The following KCNMB2 variants were observed in gnomAD, a reference collection of about 807,000 sequenced individuals.
KCNMB2 encodes calcium-activated potassium channel subunit beta-2.
Under a neutral mutation model 24.5 loss-of-function variants are expected in KCNMB2, and 9 were observed. The ratio of observed to expected loss-of-function variants is 0.37; its 90% CI spans 0.22 to 0.64. KCNMB2 has a LOEUF of 0.64. KCNMB2 is among the 30% of genes least tolerant of loss of function. The probability of loss-of-function intolerance (pLI) is 0.63; values close to 1 mark genes in which losing one functional copy is unlikely to be tolerated. For missense variants in KCNMB2, 226 were observed against 284.3 expected (o/e 0.79, Z 1.47); for synonymous variants, 109 against 104.4 (o/e 1.04, Z -0.27).
At chr3:178,747,395 TG>T (rs1577145788) in intron 1 of KCNMB2, among the ~76,000 whole-genome samples, 2 of 152,172 alleles carry the variant, frequency 1.3e-5, no homozygotes, top group East Asian at 3.8e-4. Flanking sequence ...GAGATTTGGG[TG>T]GGGACACAGC....
chr3:178,602,016 T>A (rs1718098783), intron 1 of KCNMB2, among the ~76,000 whole-genome samples: 1 of 152,208 alleles, frequency 6.6e-6, no homozygotes, highest in Non-Finnish European at 1.5e-5. Context: ...GGCTTCTGCA[T>A]GATTTTTCCT....
chr3:178,600,314 A>G (rs910692939), intron 1 of KCNMB2, among the ~76,000 whole-genome samples: 5 of 152,190 alleles, frequency 3.3e-5, no homozygotes, highest in Admixed American at 6.6e-5. Context: ...TCATTTGTCC[A>G]TCAACAAGCA....
intron 1 of KCNMB2, among the ~76,000 whole-genome samples, chr3:178,605,905 G>A (rs778670923): frequency 1.3e-5 from 2 of 152,102 alleles, no homozygotes; most frequent in Non-Finnish European, 2.9e-5. Context: ...TAGGCAAAAA[G>A]GATCTAAACT....
rs550791214 is a variant in KCNMB2, at chr3:178,767,942, T to C, written c.-67-39401T>C. ...AAGGACTTTTGTCAAGACACTTTCT[T>C]CTTTGATCTGATCACTTCCATCACC... is the stretch of plus-strand genomic sequence containing the variant. On this transcript the variant is annotated intron_variant, in intron 1 of 4. Coordinates refer to ENST00000452583, the MANE Select transcript of KCNMB2 (RefSeq NM_181361.3). Among the ~76,000 whole-genome samples the C allele has an allele frequency of 6.6e-5, 10 of 152,274 alleles. No individual in the cohort carries two copies. The South Asian group carries it at 2.1e-3, about 32-fold the overall frequency.
chr3:178,570,701 C>T (rs1467944395), intron 1 of KCNMB2, among the ~76,000 whole-genome samples: 1 of 151,964 alleles, frequency 6.6e-6, no homozygotes, highest in Non-Finnish European at 1.5e-5. Flanking sequence ...GAGCAGAAGG[C>T]ACCAGCTAAA....
At chr3:178,754,899 G>A (rs1041376235) in intron 1 of KCNMB2, among the ~76,000 whole-genome samples, 2 of 152,192 alleles carry the variant, frequency 1.3e-5, no homozygotes, top group Non-Finnish European at 2.9e-5. Flanking sequence ...GCTATGAACA[G>A]ACTAAAGTTC....
intron 1 of KCNMB2, among the ~76,000 whole-genome samples, chr3:178,757,795 T>TATA (rs1724191602): frequency 2.2e-5 from 1 of 46,224 alleles, no homozygotes; most frequent in Non-Finnish European, 4.3e-5. Context: ...TACATATATC[T>TATA]TATATCCATC....
chr3:178,576,244 C>T (rs983901858), intron 1 of KCNMB2, among the ~76,000 whole-genome samples: 1 of 151,964 alleles, frequency 6.6e-6, no homozygotes, highest in Admixed American at 6.6e-5. Context: ...GCACAAGAGG[C>T]TGGGGAACTC....
At chr3:178,563,827 C>A (rs1445963392) in intron 1 of KCNMB2, among the ~76,000 whole-genome samples, 1 of 152,158 alleles carries the variant, frequency 6.6e-6, no homozygotes, top group East Asian at 1.9e-4. Context: ...TCTGCAATCT[C>A]TCAGAGCCAC....
rs373310652 is a variant in KCNMB2 at position 178,823,120 on chromosome 3, T to C, written c.57-2468T>C. On this transcript the variant is annotated intron_variant, in intron 2 of 4. Transcript: ENST00000452583. ...ACTGGCTTTAGCTGCTAACGGACAC[T>C]GATTTTTTAAAATTTGAGTTCCTAA... Among the ~76,000 whole-genome samples, 7 of 152,388 alleles carry C rather than the reference T, an allele frequency of 4.6e-5. No homozygotes were observed. In the South Asian group the frequency reaches 1.4e-3, roughly 32 times the overall value.
At chr3:178,698,282 C>T (rs940216191) in intron 1 of KCNMB2, among the ~76,000 whole-genome samples, 13 of 152,286 alleles carry the variant, frequency 8.5e-5, no homozygotes, top group South Asian at 2.1e-4. Context: ...CATATCTTTA[C>T]ATAATCCCAT....
chr3:178,771,081 A>C (rs960661532), intron 1 of KCNMB2, among the ~76,000 whole-genome samples: 1 of 152,222 alleles, frequency 6.6e-6, no homozygotes, highest in Admixed American at 6.5e-5. Context: ...GGTTTACCCG[A>C]TAACACCAAA....
chr3:178,632,443 GA>G (rs1387276848), intron 1 of KCNMB2, among the ~76,000 whole-genome samples: 2 of 152,174 alleles, frequency 1.3e-5, no homozygotes, highest in Admixed American at 6.5e-5. Context: ...AATCGTGGCA[GA>G]GGGGAACCAA....
chr3:178,789,066 T>C (rs1003099124), intron 1 of KCNMB2, among the ~76,000 whole-genome samples: 3 of 152,224 alleles, frequency 2.0e-5, no homozygotes, highest in Non-Finnish European at 4.4e-5. Context: ...GTCTGCAGTT[T>C]ACCATTGCTC....
intron 1 of KCNMB2, among the ~76,000 whole-genome samples, chr3:178,771,643 A>G (rs947108918): frequency 6.6e-6 from 1 of 151,822 alleles, no homozygotes; most frequent in Non-Finnish European, 1.5e-5. Flanking sequence ...CCATGGCACC[A>G]GCCCTCTACT....
chr3:178,810,419 A>G (rs1022961115), intron 2 of KCNMB2, among the ~76,000 whole-genome samples: 2 of 152,180 alleles, frequency 1.3e-5, no homozygotes, highest in African/African-American at 2.4e-5. Flanking sequence ...GTGTCAGTAT[A>G]TCGGATTCCC....
At chr3:178,598,468 T>C (rs2108505402) in intron 1 of KCNMB2, among the ~76,000 whole-genome samples, 1 of 152,226 alleles carries the variant, frequency 6.6e-6, no homozygotes, top group South Asian at 2.1e-4. Flanking sequence ...GTAAGGAAAC[T>C]TTTCCCAGTA....
In KCNMB2 at chr3:178,747,244, AC is replaced by A. The variant is rs1233172238; in HGVS notation, c.-67-60098del. 3.3e-5 allele frequency: 5 copies of A among 152,506 alleles called. No homozygotes were observed. The South Asian group carries it at 8.3e-4, about 25-fold the overall frequency. 9.4% of individuals were successfully genotyped at this position (152,506 alleles called of 1,614,324 possible). ...GGATGGCACCAGGCAAAGAGAGAGC[AC>A]TTGTGCAGGGGAACTCCTCTTTATA... On this transcript the variant is annotated intron_variant, in intron 1 of 4. Coordinates refer to ENST00000452583, the MANE Select transcript of KCNMB2 (RefSeq NM_181361.3).
intron 1 of KCNMB2, among the ~76,000 whole-genome samples, chr3:178,550,724 G>C (rs1019296636): frequency 1.3e-5 from 2 of 152,082 alleles, no homozygotes; most frequent in Non-Finnish European, 2.9e-5. Context: ...TTTGCCACTA[G>C]TGTGGCAATT....
Sources: gnomAD v4.1 joint callset for allele counts (sites outside exome capture counted in the v4.1 genomes callset) on GRCh38, gnomAD v4.1.1 for gene constraint, MANE v1.5 for transcripts, NCBI Gene and HGNC (gene_info 2026-07-23, HGNC 2026-07-21) for gene names.